SLC30A4: variants seen among roughly 807,000 people sequenced by gnomAD.
SLC30A4 encodes the protein probable proton-coupled zinc antiporter SLC30A4.
SLC30A4 carries 20 observed loss-of-function variants against 41.7 expected under a neutral mutation model. That is an observed-to-expected ratio of 0.48 (90% confidence interval 0.34 to 0.70). SLC30A4 has a LOEUF of 0.70. SLC30A4 is among the 30% of genes least tolerant of loss of function. The pLI is 0.01. For synonymous variants in SLC30A4, 181 were observed against 195.9 expected, an observed-to-expected ratio of 0.92 and a Z score of 0.64; for missense variants, 441 against 529.3, an observed-to-expected ratio of 0.83 and a Z score of 1.64.
intron 3 of SLC30A4, among the ~76,000 whole-genome samples, chr15:45,496,858 T>C (rs1891917006): frequency 6.7e-6 from 1 of 148,392 alleles, no homozygotes; most frequent in Non-Finnish European, 1.5e-5. Context: ...AATAAATAAA[T>C]AAATAAATAA....
intron 3 of SLC30A4, among the ~76,000 whole-genome samples, chr15:45,509,744 C>T (rs1278854196): frequency 6.6e-6 from 1 of 152,046 alleles, no homozygotes; most frequent in East Asian, 1.9e-4. Flanking sequence ...ACCAGAAGAC[C>T]CAGTCACTAA....
Position 45,486,706 on chromosome 15 carries a change from GCTT to G in SLC30A4, c.1037_1039del (p.Glu346del). 6.3e-7 allele frequency: 1 copy of G among 1,591,732 alleles called. No homozygotes were observed. The highest frequency in any genetic ancestry group is 8.6e-7 in the Non-Finnish European group (1 of 1,166,410). On this transcript the variant is annotated inframe_deletion, in exon 7 of 8. Transcript: ENST00000261867. The stretch of plus-strand genomic sequence containing the variant: ...ATATACATCTTCTATTTTCATCAAG[GCTT>G]CTTTGATATAGTCTACATTCAAATG...
intron 3 of SLC30A4, among the ~76,000 whole-genome samples, chr15:45,503,678 G>A (rs1430626157): frequency 3.3e-5 from 5 of 151,952 alleles, no homozygotes; most frequent in Non-Finnish European, 5.9e-5. Context: ...GGTGGCTCAC[G>A]CCTGTAATCT....
chr15:45,496,447 G>T (rs1891908475), intron 3 of SLC30A4, among the ~76,000 whole-genome samples: 1 of 152,104 alleles, frequency 6.6e-6, no homozygotes, highest in Non-Finnish European at 1.5e-5. Flanking sequence ...CAAGACAAAA[G>T]GAGTAAATTT....
intron 3 of SLC30A4, among the ~76,000 whole-genome samples, chr15:45,503,408 G>C (rs978225119): frequency 6.6e-6 from 1 of 151,912 alleles, no homozygotes; most frequent in Admixed American, 6.6e-5. Flanking sequence ...CACAAGGTCA[G>C]GAGTTCGAGA....
At chr15:45,492,073 T>C (rs1345100121) in intron 3 of SLC30A4, among the ~76,000 whole-genome samples, 2 of 152,100 alleles carry the variant, frequency 1.3e-5, no homozygotes, top group Non-Finnish European at 2.9e-5. Flanking sequence ...AGAGAGCCAA[T>C]TGGTAAAACT....
chr15:45,499,146 C>A (rs1891964892), intron 3 of SLC30A4, among the ~76,000 whole-genome samples: 1 of 150,658 alleles, frequency 6.6e-6, no homozygotes, highest in African/African-American at 2.5e-5. Flanking sequence ...GCAGTGGCAC[C>A]ATCTCAGCTC....
chr15:45,500,486 G>A (rs1170185701), intron 3 of SLC30A4, among the ~76,000 whole-genome samples: 1 of 151,966 alleles, frequency 6.6e-6, no homozygotes, highest in Non-Finnish European at 1.5e-5. Context: ...AAACAAATAG[G>A]ATCAGCCCCT....
At position 45,481,369 on chromosome 15, in the gene SLC30A4, C is replaced by T. The variant is rs1891600359; in HGVS notation, c.*3794G>A. 1 of 152,202 alleles carries T rather than the reference C, an allele frequency of 6.6e-6. No individual in the cohort carries two copies. 9.4% of individuals were successfully genotyped at this position (152,202 alleles called of 1,614,324 possible). ...AGACATGCTTTCTTCAATTACACTC[C>T]CATTATGTTTCTAAGGCAGCATAAT... On this transcript the variant is annotated 3_prime_UTR_variant, in exon 8 of 8. Transcript: ENST00000261867.
At chr15:45,517,825 G>A (rs1892535382) in intron 2 of SLC30A4, among the ~76,000 whole-genome samples, 1 of 152,036 alleles carries the variant, frequency 6.6e-6, no homozygotes, top group Non-Finnish European at 1.5e-5. Flanking sequence ...GGGGGCGCCT[G>A]TAGTCCCAGC....
chr15:45,481,230 ACT>A lies in SLC30A4; in HGVS notation c.*3931_*3932del, dbSNP rs749746349. On this transcript the variant is annotated 3_prime_UTR_variant, in exon 8 of 8. Coordinates refer to ENST00000261867, the MANE Select transcript of SLC30A4 (RefSeq NM_013309.6). ...AAACCCGGTGATGTGGCAAAAAAAC[ACT>A]GATGGGAACTCTAAGTTGTAAAAAT... The A allele has an allele frequency of 6.6e-6, 1 of 152,236 alleles. No individual in the cohort carries two copies. The highest frequency in any genetic ancestry group is 1.5e-5 in the Non-Finnish European group (1 of 68,046). 9.4% of individuals were successfully genotyped at this position (152,236 alleles called of 1,614,324 possible). A position where few individuals can be genotyped will look rare whatever the true frequency, so the allele number is the denominator to read the frequency against.
At chr15:45,507,929 G>T (rs1892195261) in intron 3 of SLC30A4, among the ~76,000 whole-genome samples, 1 of 152,126 alleles carries the variant, frequency 6.6e-6, no homozygotes, top group Non-Finnish European at 1.5e-5. Context: ...AGGGCAGAAG[G>T]ATAGGGAAAC....
chr15:45,495,752 A>G (rs1286816752), intron 3 of SLC30A4, among the ~76,000 whole-genome samples: 1 of 152,224 alleles, frequency 6.6e-6, no homozygotes, highest in African/African-American at 2.4e-5. Flanking sequence ...TCAGTTCTCT[A>G]TGCCACAGTT....
At chr15:45,516,107 C>T (rs73416407) in intron 2 of SLC30A4, among the ~76,000 whole-genome samples, 12,928 of 152,082 alleles carry the variant, frequency 0.085, 1,827 homozygotes, top group African/African-American at 0.29. Flanking sequence ...TTCATGGATA[C>T]GTGATCTTTT....
rs189164107 is a variant in SLC30A4, at chr15:45,506,245, T to G, written c.538+4893A>C. 2.4e-3 allele frequency among the ~76,000 whole-genome samples: 365 copies of G among 152,186 alleles called. 1 individual carries two copies. Among genetic ancestry groups the G allele is most frequent in the African/African-American group, 8.3e-3 (343 of 41,516 alleles). ...AATAAATAAATTAATAAAATAAAAT[T>G]TGACTTTTGCAACATGTTTTGCATA... On this transcript the variant is annotated intron_variant, in intron 3 of 7. Coordinates refer to ENST00000261867, the MANE Select transcript of SLC30A4 (RefSeq NM_013309.6).
At chr15:45,520,794 C>T (rs1892642410) in intron 2 of SLC30A4, 1 of 277,602 alleles carries the variant, frequency 3.6e-6, no homozygotes, top group South Asian at 3.5e-5. Context: ...TATTTATACA[C>T]ATGTGACCTG....
At chr15:45,518,243 T>A (rs1024077202) in intron 2 of SLC30A4, among the ~76,000 whole-genome samples, 6 of 152,206 alleles carry the variant, frequency 3.9e-5, no homozygotes. Context: ...ACCTGGTCCA[T>A]GCATAAACTA....
At position 45,522,110 on chromosome 15, in the gene SLC30A4, G is replaced by A. The variant is rs753350738; in HGVS notation, c.245C>T (p.Pro82Leu). ...DDDSLLDQDL[P>L]LTNSQLSLKV... ...CAAACTCAGCTGACTGTTGGTCAAA[G>A]GTAAGTCTTGGTCCAGTAAGGAATC... is the stretch of plus-strand genomic sequence containing the variant. The change falls in exon 2 of 8, where the codon CCT (proline) becomes CTT (leucine). Residue 82 changes from proline to leucine, a missense_variant. By Grantham distance (98) the Pro-to-Leu change is moderately conservative. Transcript: ENST00000261867. 2 of 1,614,232 alleles carry A rather than the reference G, an allele frequency of 1.2e-6. No homozygotes were observed. The highest frequency in any genetic ancestry group is 1.3e-5 in the African/African-American group (1 of 75,066).
chr15:45,507,360 T>TAAC (rs1892184044), intron 3 of SLC30A4, among the ~76,000 whole-genome samples: 2 of 114,828 alleles, frequency 1.7e-5, no homozygotes, highest in Admixed American at 1.9e-4. Flanking sequence ...AAATAAATAA[T>TAAC]AAATTTCAGG....
Sources: gnomAD v4.1 joint callset for allele counts (sites outside exome capture counted in the v4.1 genomes callset) on GRCh38, gnomAD v4.1.1 for gene constraint, MANE v1.5 for transcripts, NCBI Gene and HGNC (gene_info 2026-07-23, HGNC 2026-07-21) for gene names.